RTN3: variants seen among roughly 807,000 people sequenced by gnomAD.
RTN3 encodes the protein reticulon-3.
Under a neutral mutation model 77.8 loss-of-function variants are expected in RTN3, and 49 were observed. The ratio of observed to expected loss-of-function variants is 0.63; its 90% CI spans 0.50 to 0.80. RTN3 has a LOEUF of 0.80. RTN3 is among the 30% of genes least tolerant of loss of function. RTN3 has a pLI of 0.00. For synonymous variants in RTN3, 464 were observed against 446.9 expected (o/e 1.04, Z -0.48); for missense variants, 1,236 against 1,211.9 (o/e 1.02, Z -0.29).
intron 3 of RTN3, among the ~76,000 whole-genome samples, chr11:63,738,080 A>C (rs1011014006): frequency 6.6e-6 from 1 of 152,208 alleles, no homozygotes; most frequent in African/African-American, 2.4e-5. Context: ...TTCATTTATT[A>C]TAACTATTAA....
Position 63,759,788 on chromosome 11 carries a change from G to A in RTN3, c.*1587G>A, listed in dbSNP as rs1364352770. 1 of 150,164 alleles carries A rather than the reference G, an allele frequency of 6.7e-6. No individual in the cohort carries two copies. The highest frequency in any genetic ancestry group is 2.5e-5 in the African/African-American group (1 of 40,596). The allele number at this position is 150,164 out of a possible 1,614,324, so 9.3% of individuals were successfully genotyped here. On this transcript the variant is annotated 3_prime_UTR_variant, in exon 9 of 9. Transcript: ENST00000377819. The stretch of plus-strand genomic sequence containing the variant: ...AATGAAACTGTGTGTACGTGTCTGT[G>A]CGTGCAACATAAAAATACAGTAGCA...
At chr11:63,682,050 A>G (rs1346069880) in intron 1 of RTN3, among the ~76,000 whole-genome samples, 2 of 152,242 alleles carry the variant, frequency 1.3e-5, no homozygotes, top group Non-Finnish European at 2.9e-5. Context: ...CAGGTGGGGA[A>G]AAATACCAGC....
In RTN3 at chr11:63,720,472, C is replaced by T. The variant is rs758535886; in HGVS notation, c.1970C>T (p.Ala657Val). ...TCCTCCCCAGAGGACCTGATAGCAGCCTTTACAGAAACCAGAGATAAAGGA... is the reference window on the plus strand; with the variant it reads ...TCCTCCCCAGAGGACCTGATAGCAGTCTTTACAGAAACCAGAGATAAAGGA... Reference protein sequence around the residue: ...DDSSPEDLIAAFTETRDKGIV... With the variant: ...DDSSPEDLIAVFTETRDKGIV... Residue 657 changes from alanine (A) to valine (V), a missense_variant, in exon 3 of 9, where the codon GCC (alanine) becomes GTC (valine). Ala to Val is a moderately conservative substitution (Grantham distance 64). Around this residue, in one of 3 missense-constraint regions of RTN3, gnomAD observed 1,056 missense variants for 990.4 expected, o/e 1.07. Transcript: ENST00000377819. The T allele has an allele frequency of 4.2e-5, 67 of 1,613,024 alleles. No homozygotes were observed. The highest frequency in any genetic ancestry group is 5.6e-5 in the Non-Finnish European group (66 of 1,179,702).
chr11:63,750,392 T>TAGAAG lies in RTN3; in HGVS notation c.2738+194_2738+195insAGAAG, dbSNP rs1316104388. The TAGAAG allele has an allele frequency of 8.7e-6, 5 of 573,796 alleles. No individual in the cohort carries two copies. The Admixed American group carries it at 1.6e-4, about 18-fold the overall frequency. 35.5% of individuals were successfully genotyped at this position (573,796 alleles called of 1,614,324 possible). On this transcript the variant is annotated intron_variant, in intron 4 of 8. Transcript: ENST00000377819. ...GCCAAGTTAGAAGCCAAGAACTTTTTGACAAATTAGAGGCTCATACTTGAA... is the reference window on the plus strand; with the variant it reads ...GCCAAGTTAGAAGCCAAGAACTTTTTAGAAGGACAAATTAGAGGCTCATACTTGAA...
At chr11:63,695,363 A>C (rs1252116592) in intron 1 of RTN3, among the ~76,000 whole-genome samples, 1 of 152,316 alleles carries the variant, frequency 6.6e-6, no homozygotes, top group African/African-American at 2.4e-5. Context: ...TATGTTAGCT[A>C]TAAATGAATA....
intron 3 of RTN3, among the ~76,000 whole-genome samples, chr11:63,725,666 A>G (rs1232281903): frequency 1.3e-5 from 2 of 151,954 alleles, no homozygotes; most frequent in African/African-American, 4.8e-5. Context: ...GTTAGCCAGG[A>G]TGGTCTCAAT....
intron 2 of RTN3, among the ~76,000 whole-genome samples, chr11:63,710,583 T>C (rs1320407242): frequency 6.6e-6 from 1 of 152,206 alleles, no homozygotes; most frequent in Non-Finnish European, 1.5e-5. Context: ...CTTGGTACTC[T>C]TAAGTTGTGC....
chr11:63,691,847 C>T (rs1326066918), intron 1 of RTN3, among the ~76,000 whole-genome samples: 2 of 152,192 alleles, frequency 1.3e-5, no homozygotes, highest in Non-Finnish European at 2.9e-5. Flanking sequence ...TGCCTCTCTT[C>T]AGTCCATTTT....
rs566907107 is a variant in RTN3 at position 63,694,559 on chromosome 11, A to G, written c.143-10292A>G. 4.7e-4 allele frequency among the ~76,000 whole-genome samples: 72 copies of G among 152,216 alleles called. 1 individual carries two copies. The South Asian group carries it at 0.014, about 29-fold the overall frequency. The stretch of plus-strand genomic sequence containing the variant: ...ATGATATCGGCTCACTACAACGTCC[A>G]TGTCCTGGGCTCAAGCCGTCCTCCC... On this transcript the variant is annotated intron_variant, in intron 1 of 8. Transcript: ENST00000377819.
At position 63,720,614 on chromosome 11, in the gene RTN3, A is replaced by G. The variant is rs747926226; in HGVS notation, c.2112A>G (p.Lys704=). The G allele has an allele frequency of 6.2e-7, 1 of 1,613,758 alleles. No homozygotes were observed. Among genetic ancestry groups the G allele is most frequent in the African/African-American group, 1.3e-5 (1 of 74,876 alleles). Residue 704 remains lysine, a synonymous_variant, in exon 3 of 9, where the codon AAA becomes AAG. Transcript: ENST00000377819. ...HENESGGSEI[K]DIGSKYSEQS... Reference sequence around the variant, plus strand: ...ATGAGTCCGGTGGTTCTGAAATTAAAGACATTGGAAGCAAATACAGTGAAC... The same window carrying G: ...ATGAGTCCGGTGGTTCTGAAATTAAGGACATTGGAAGCAAATACAGTGAAC...
chr11:63,753,510 T>C (rs750639932), intron 6 of RTN3, 152 bp from the exon 7 acceptor site: 1 of 691,266 alleles, frequency 1.4e-6, no homozygotes, highest in Non-Finnish European at 2.5e-6. Flanking sequence ...AAATTAGCTG[T>C]CTTAATTGGG....
chr11:63,750,530 G>A (rs2014046387), intron 4 of RTN3: 4 of 227,058 alleles, frequency 1.8e-5, no homozygotes, highest in Admixed American at 5.4e-5. Flanking sequence ...TCAGCTTATC[G>A]CAACCTCTGC....
intron 2 of RTN3, among the ~76,000 whole-genome samples, chr11:63,712,563 G>A (rs572953661): frequency 3.3e-4 from 48 of 146,400 alleles, no homozygotes; most frequent in African/African-American, 1.0e-3. Flanking sequence ...TTGGCTCACC[G>A]CAATTTCCAC....
intron 3 of RTN3, among the ~76,000 whole-genome samples, chr11:63,743,043 G>A (rs2013580228): frequency 6.6e-6 from 1 of 152,084 alleles, no homozygotes; most frequent in Admixed American, 6.6e-5. Context: ...ACCATGTCTG[G>A]CTAATTTATT....
Position 63,707,190 on chromosome 11 carries a change from C to T in RTN3, c.199+2283C>T, listed in dbSNP as rs519374. On this transcript the variant is annotated intron_variant, in intron 2 of 8. Transcript: ENST00000377819. ...CTGGCATTACAGGCATGAGTCACGT[C>T]GCCAGGCCAAGTCACTTTTTTCATA... Among the ~76,000 whole-genome samples, 1,009 of 152,216 alleles carry T rather than the reference C, an allele frequency of 6.6e-3. 11 individuals are homozygous for T. Among genetic ancestry groups the T allele is most frequent in the African/African-American group, 0.023 (953 of 41,532 alleles).
intron 1 of RTN3, chr11:63,698,753 C>T (rs1942088698): frequency 5.9e-6 from 1 of 170,612 alleles, no homozygotes; most frequent in Non-Finnish European, 1.4e-5. Flanking sequence ...TCCCGAGCTC[C>T]TACCACTGGC....
intron 2 of RTN3, among the ~76,000 whole-genome samples, chr11:63,715,579 A>G (rs2011344146): frequency 6.6e-6 from 1 of 152,076 alleles, no homozygotes; most frequent in Admixed American, 6.6e-5. Context: ...AATCGCTTCA[A>G]TCTGGGGGGC....
chr11:63,709,790 C>G (rs545293859), intron 2 of RTN3, among the ~76,000 whole-genome samples: 10 of 152,126 alleles, frequency 6.6e-5, no homozygotes, highest in Non-Finnish European at 1.3e-4. Flanking sequence ...TATTTCAAAC[C>G]TCCCTCAAAT....
At chr11:63,755,679 G>T (rs1019967886) in intron 7 of RTN3, among the ~76,000 whole-genome samples, 13 of 140,476 alleles carry the variant, frequency 9.3e-5, no homozygotes, top group Non-Finnish European at 1.1e-4. Context: ...AAAAAAAAAG[G>T]CTGGGCACAG....
Sources: allele counts gnomAD v4.1 joint callset (sites outside exome capture counted in the v4.1 genomes callset), GRCh38; gene constraint gnomAD v4.1.1; regional missense constraint gnomAD v4.1.1; transcripts MANE v1.5; gene names NCBI Gene and HGNC (gene_info 2026-07-23, HGNC 2026-07-21).